The following CCSER1 variants were observed in gnomAD, a reference collection of about 807,000 sequenced individuals.
CCSER1 encodes coiled-coil serine rich protein 1, also known as serine-rich coiled-coil domain-containing protein 1.
In CCSER1, 41 loss-of-function variants were observed where a neutral mutation model predicts 82.0. The ratio of observed to expected loss-of-function variants is 0.50; its 90% CI spans 0.39 to 0.65. The LOEUF is 0.65. Among genes scored for constraint, CCSER1 ranks in the 30% least tolerant of loss-of-function variants. The probability of loss-of-function intolerance (pLI) is 0.00; values close to 1 mark genes in which losing one functional copy is unlikely to be tolerated. For missense variants in CCSER1, 1,119 were observed against 1,064.2 expected (o/e 1.05, Z -0.72); for synonymous variants, 414 against 383.9 (o/e 1.08, Z -0.92).
chr4:90,767,241 A>T (rs1186726629), intron 7 of CCSER1, among the ~76,000 whole-genome samples: 4 of 152,178 alleles, frequency 2.6e-5, no homozygotes, highest in Non-Finnish European at 4.4e-5. Context: ...TTTAGGTAAA[A>T]TAAAGAATTT....
intron 1 of CCSER1, among the ~76,000 whole-genome samples, chr4:90,255,264 A>G (rs764506683): frequency 6.6e-6 from 1 of 152,052 alleles, no homozygotes; most frequent in African/African-American, 2.4e-5. Flanking sequence ...AAGCATAACC[A>G]TATATTTTTT....
chr4:90,142,393 C>G (rs570306369), intron 1 of CCSER1, among the ~76,000 whole-genome samples: 2 of 152,164 alleles, frequency 1.3e-5, no homozygotes, highest in Non-Finnish European at 2.9e-5. Flanking sequence ...TGGCACCAGA[C>G]AATTAAGTAC....
chr4:90,773,038 C>A (rs984657737), intron 7 of CCSER1, among the ~76,000 whole-genome samples: 96 of 151,976 alleles, frequency 6.3e-4, no homozygotes, highest in African/African-American at 2.2e-3. Context: ...GTCGGGAGTT[C>A]GAGACCAGCC....
intron 1 of CCSER1, among the ~76,000 whole-genome samples, chr4:90,192,629 T>G (rs1305452114): frequency 6.6e-6 from 1 of 152,182 alleles, no homozygotes; most frequent in East Asian, 1.9e-4. Context: ...GAAAAATATG[T>G]AAAGCACCTA....
chr4:90,839,431 A>G (rs1762282927), intron 8 of CCSER1, among the ~76,000 whole-genome samples: 1 of 152,252 alleles, frequency 6.6e-6, no homozygotes, highest in Non-Finnish European at 1.5e-5. Context: ...GGGATAGGGC[A>G]TGGAACTGTG....
At chr4:90,420,861 A>G in intron 4 of CCSER1, among the ~76,000 whole-genome samples, 1 of 152,122 alleles carries the variant, frequency 6.6e-6, no homozygotes, top group East Asian at 1.9e-4. Context: ...GATGTATTTC[A>G]TTCGGCATGG....
intron 1 of CCSER1, among the ~76,000 whole-genome samples, chr4:90,248,673 TTGACTG>T (rs1325397715): frequency 2.0e-5 from 3 of 152,048 alleles, no homozygotes; most frequent in African/African-American, 7.2e-5. Context: ...TTTCTTAGCA[TTGACTG>T]ATTTATGTGT....
intron 5 of CCSER1, among the ~76,000 whole-genome samples, chr4:90,488,272 C>T (rs1026816225): frequency 2.6e-5 from 4 of 152,168 alleles, no homozygotes; most frequent in Admixed American, 6.5e-5. Flanking sequence ...AGCTCCGCCT[C>T]GGCCTCCATG....
At chr4:90,417,122 G>A (rs771229599) in intron 4 of CCSER1, among the ~76,000 whole-genome samples, 42 of 152,234 alleles carry the variant, frequency 2.8e-4, no homozygotes, top group African/African-American at 9.4e-4. Context: ...CCTAGATGAC[G>A]GGTTGATAGG....
At chr4:90,248,180 T>G (rs1253872310) in intron 1 of CCSER1, among the ~76,000 whole-genome samples, 1 of 152,206 alleles carries the variant, frequency 6.6e-6, no homozygotes, top group Non-Finnish European at 1.5e-5. Context: ...TAAAGGACTT[T>G]AGAAACAAGT....
intron 6 of CCSER1, among the ~76,000 whole-genome samples, chr4:90,716,890 T>G (rs2149348376): frequency 6.6e-6 from 1 of 152,246 alleles, no homozygotes; most frequent in African/African-American, 2.4e-5. Context: ...TTTGTGAAAA[T>G]TATTTGTCCA....
intron 4 of CCSER1, among the ~76,000 whole-genome samples, chr4:90,426,447 C>CT (rs1283678226): frequency 6.6e-6 from 1 of 151,982 alleles, no homozygotes; most frequent in Non-Finnish European, 1.5e-5. Flanking sequence ...TGTACTTGAA[C>CT]TATAGTTTAA....
At chr4:90,891,294 G>A (rs1722933950) in intron 8 of CCSER1, among the ~76,000 whole-genome samples, 1 of 151,596 alleles carries the variant, frequency 6.6e-6, no homozygotes, top group South Asian at 2.1e-4. Flanking sequence ...TTATTAATAA[G>A]TGGCTAATCA....
At chr4:90,306,950 A>G (rs573199436) in intron 1 of CCSER1, among the ~76,000 whole-genome samples, 1 of 152,338 alleles carries the variant, frequency 6.6e-6, no homozygotes, top group African/African-American at 2.4e-5. Flanking sequence ...GTAGAAACAT[A>G]GCTGGGCCTT....
chr4:90,469,831 T>C (rs1416429169), intron 5 of CCSER1, among the ~76,000 whole-genome samples: 1 of 152,194 alleles, frequency 6.6e-6, no homozygotes, highest in Non-Finnish European at 1.5e-5. Context: ...GCAGGTTGAA[T>C]GTCCCTTATT....
intron 10 of CCSER1, among the ~76,000 whole-genome samples, chr4:91,262,084 A>C (rs570473921): frequency 6.6e-6 from 1 of 152,242 alleles, no homozygotes; most frequent in East Asian, 1.9e-4. Flanking sequence ...GTAATAAATA[A>C]TATATAAAAA....
At chr4:90,133,277 C>T (rs1651559437) in intron 1 of CCSER1, among the ~76,000 whole-genome samples, 1 of 152,030 alleles carries the variant, frequency 6.6e-6, no homozygotes. Context: ...TAATGAGTTC[C>T]CATTGCTTGT....
intron 7 of CCSER1, among the ~76,000 whole-genome samples, chr4:90,809,429 T>A (rs1757957487): frequency 1.3e-5 from 2 of 151,980 alleles, no homozygotes; most frequent in Admixed American, 1.3e-4. Context: ...TGGAAGTAAT[T>A]CAGGAATGGA....
intron 1 of CCSER1, among the ~76,000 whole-genome samples, chr4:90,200,058 G>T (rs943201478): frequency 1.1e-5 from 1 of 94,836 alleles, no homozygotes; most frequent in Non-Finnish European, 1.9e-5. Context: ...ATGCGTGCAC[G>T]CAGACACACA....
Sources: allele counts gnomAD v4.1 joint callset (sites outside exome capture counted in the v4.1 genomes callset), GRCh38; gene constraint gnomAD v4.1.1; transcripts MANE v1.5; gene names NCBI Gene and HGNC (gene_info 2026-07-23, HGNC 2026-07-21).